The following SUGCT variants were observed in gnomAD, a reference collection of about 807,000 sequenced individuals.
SUGCT encodes succinyl-CoA:glutarate CoA-transferase.
A neutral mutation model predicts 55.0 loss-of-function variants in SUGCT; 41 were observed. The observed-to-expected ratio is 0.74, with a 90% CI of 0.58 to 0.97. The LOEUF (loss-of-function observed/expected upper bound fraction) is 0.97. SUGCT is among the 50% of genes least tolerant of loss of function. The pLI, the probability that SUGCT is intolerant of heterozygous loss-of-function variation, is 0.00. For synonymous variants in SUGCT, 187 were observed against 200.4 expected (o/e 0.93, Z 0.56); for missense variants, 568 against 547.8 (o/e 1.04, Z -0.37).
chr7:41,024,709 A>G, the SUGCT span, among the ~76,000 whole-genome samples: 1 of 151,016 alleles, frequency 6.6e-6, no homozygotes, highest in African/African-American at 2.4e-5. Context: ...AAGAGAGAGG[A>G]AGTGTAGTTG....
the SUGCT span, among the ~76,000 whole-genome samples, chr7:41,012,187 G>C: frequency 6.6e-6 from 1 of 151,984 alleles, no homozygotes; most frequent in Non-Finnish European, 1.5e-5. Context: ...CATTAGTTCC[G>C]GTGAACTCTC....
chr7:40,926,613 TC>T, the SUGCT span, among the ~76,000 whole-genome samples: 3 of 152,240 alleles, frequency 2.0e-5, no homozygotes, highest in African/African-American at 7.2e-5. Flanking sequence ...GGTCAGTCCC[TC>T]ATGGTGAGAT....
intron 13 of SUGCT, among the ~76,000 whole-genome samples, chr7:40,853,453 C>T (rs550034765): frequency 2.0e-5 from 3 of 152,246 alleles, no homozygotes; most frequent in African/African-American, 7.2e-5. Flanking sequence ...CAACCTCCGC[C>T]TCCCGGGCTC....
chr7:40,667,286 C>T (rs1801696357), intron 12 of SUGCT, among the ~76,000 whole-genome samples: 1 of 152,022 alleles, frequency 6.6e-6, no homozygotes, highest in Admixed American at 6.6e-5. Flanking sequence ...ATCTTGCATC[C>T]TAGGAATAAA....
chr7:40,318,276 A>G (rs1173788857), intron 9 of SUGCT, among the ~76,000 whole-genome samples: 38 of 152,152 alleles, frequency 2.5e-4, no homozygotes, highest in Non-Finnish European at 4.3e-4. Context: ...CTCTACCCCT[A>G]TCAAGGGTCT....
At chr7:40,456,572 ATAT>A (rs1362004302) in intron 10 of SUGCT, among the ~76,000 whole-genome samples, 2 of 152,084 alleles carry the variant, frequency 1.3e-5, no homozygotes, top group Non-Finnish European at 2.9e-5. Flanking sequence ...TAGGTGATAA[ATAT>A]TATGGGAAAA....
At chr7:41,027,850 A>G in the SUGCT span, among the ~76,000 whole-genome samples, 1 of 152,198 alleles carries the variant, frequency 6.6e-6, no homozygotes, top group Non-Finnish European at 1.5e-5. Context: ...TTAGCTGAGT[A>G]ATCACCACAT....
chr7:40,816,604 T>G (rs542830127), intron 13 of SUGCT, among the ~76,000 whole-genome samples: 1 of 152,310 alleles, frequency 6.6e-6, no homozygotes, highest in South Asian at 2.1e-4. Context: ...TTCCAGTAGA[T>G]TCCTATTTTC....
the SUGCT span, among the ~76,000 whole-genome samples, chr7:40,948,139 T>C: frequency 1.3e-5 from 2 of 152,212 alleles, no homozygotes; most frequent in East Asian, 3.8e-4. Context: ...TCTCTTCATG[T>C]CCTGTGATAT....
chr7:40,437,340 A>G (rs1022109142), intron 9 of SUGCT, among the ~76,000 whole-genome samples: 17 of 152,190 alleles, frequency 1.1e-4, no homozygotes, highest in Non-Finnish European at 2.5e-4. Flanking sequence ...CCAATTTCCT[A>G]TTATGGAATT....
At chr7:40,915,051 G>A in the SUGCT span, among the ~76,000 whole-genome samples, 129 of 152,268 alleles carry the variant, frequency 8.5e-4, 7 homozygotes, top group Middle Eastern at 3.4e-3. Context: ...GATCGTATCA[G>A]AAAATACCAT....
the SUGCT span, among the ~76,000 whole-genome samples, chr7:41,028,261 G>A: frequency 6.6e-6 from 1 of 152,252 alleles, no homozygotes; most frequent in Non-Finnish European, 1.5e-5. Flanking sequence ...CCCTGGATAT[G>A]TTGAGAAAAC....
chr7:40,216,877 G>A (rs2150811277), intron 6 of SUGCT, among the ~76,000 whole-genome samples: 1 of 151,680 alleles, frequency 6.6e-6, no homozygotes, highest in South Asian at 2.1e-4. Context: ...AAAGAAAAGT[G>A]TTGTAATTTA....
At chr7:40,409,225 G>A (rs760137720) in intron 9 of SUGCT, among the ~76,000 whole-genome samples, 1 of 152,072 alleles carries the variant, frequency 6.6e-6, no homozygotes, top group Non-Finnish European at 1.5e-5. Flanking sequence ...CAAAGTGCTG[G>A]GATTACAGGT....
At chr7:40,395,113 G>T (rs890431307) in intron 9 of SUGCT, among the ~76,000 whole-genome samples, 2 of 152,084 alleles carry the variant, frequency 1.3e-5, no homozygotes, top group Non-Finnish European at 2.9e-5. Flanking sequence ...TAGGCACAGG[G>T]TGCAGTTTGC....
intron 12 of SUGCT, among the ~76,000 whole-genome samples, chr7:40,658,805 A>C (rs1162197337): frequency 6.6e-6 from 1 of 152,172 alleles, no homozygotes; most frequent in Admixed American, 6.5e-5. Context: ...GGGTAGCCTC[A>C]TGCCTGGCCT....
chr7:40,233,567 C>T (rs1227598929), intron 6 of SUGCT, among the ~76,000 whole-genome samples: 1 of 152,080 alleles, frequency 6.6e-6, no homozygotes. Flanking sequence ...ATTCCACGTA[C>T]AAAATATCTT....
chr7:40,822,452 G>A (rs150558358), intron 13 of SUGCT, among the ~76,000 whole-genome samples: 13,456 of 152,072 alleles, frequency 0.088, 698 homozygotes, highest in Middle Eastern at 0.18. Flanking sequence ...GTGCTCCTGT[G>A]TTGGGTGCAT....
chr7:40,259,405 G>A (rs1222798349), intron 7 of SUGCT, among the ~76,000 whole-genome samples: 4 of 152,108 alleles, frequency 2.6e-5, no homozygotes, highest in Non-Finnish European at 5.9e-5. Context: ...GGCCAACTGT[G>A]GCTACGCGAC....
Sources: gnomAD v4.1 joint callset for allele counts (sites outside exome capture counted in the v4.1 genomes callset) on GRCh38, gnomAD v4.1.1 for gene constraint, MANE v1.5 for transcripts, NCBI Gene and HGNC (gene_info 2026-07-23, HGNC 2026-07-21) for gene names.